Variants in ITIH5 observed in about 807,000 individuals in gnomAD.
The protein encoded by ITIH5 is inter-alpha-trypsin inhibitor heavy chain 5.
A neutral mutation model predicts 77.5 loss-of-function variants in ITIH5; 65 were observed. The observed-to-expected ratio is 0.84, with a 90% CI of 0.69 to 1.03. The LOEUF (loss-of-function observed/expected upper bound fraction) is 1.03. Ranked by LOEUF, ITIH5 falls within the 50% of genes least tolerant of loss-of-function variation. ITIH5 has a pLI of 0.00. For missense variants in ITIH5, 1,208 were observed against 1,213.1 expected (o/e 1.00, Z 0.06); for synonymous variants, 525 against 494.3 (o/e 1.06, Z -0.82).
At chr10:7,647,916 C>T (rs1384434685) in intron 2 of ITIH5, among the ~76,000 whole-genome samples, 2 of 152,040 alleles carry the variant, frequency 1.3e-5, no homozygotes, top group African/African-American at 4.8e-5. Flanking sequence ...AATGGCCATC[C>T]AAAGCCTCGA....
At chr10:7,567,319 T>TTTTTTATTATTA (rs71515477) in intron 12 of ITIH5, among the ~76,000 whole-genome samples, 103 of 139,490 alleles carry the variant, frequency 7.4e-4, no homozygotes, top group African/African-American at 1.1e-3. Flanking sequence ...TCGGACATCT[T>TTTTTTATTATTA]TTATTATTAT....
intron 10 of ITIH5, among the ~76,000 whole-genome samples, chr10:7,574,924 G>A (rs1832379073): frequency 6.6e-6 from 1 of 151,264 alleles, no homozygotes; most frequent in East Asian, 1.9e-4. Flanking sequence ...GTGGAGATTT[G>A]CGCTGATGAC....
chr10:7,565,016 A>G (rs1220604646), intron 13 of ITIH5, among the ~76,000 whole-genome samples: 1 of 148,994 alleles, frequency 6.7e-6, no homozygotes, highest in Non-Finnish European at 1.5e-5. Flanking sequence ...CTACATATAT[A>G]CATATATACA....
chr10:7,597,043 T>TAAAAAA (rs1193674092), intron 7 of ITIH5, among the ~76,000 whole-genome samples: 1 of 38,172 alleles, frequency 2.6e-5, no homozygotes, highest in Non-Finnish European at 5.4e-5. Flanking sequence ...AGTCTCCAAC[T>TAAAAAA]CAAAAAAAAA....
chr10:7,641,813 T>C, intron 3 of ITIH5, 114 bp downstream of exon 3: 1 of 792,670 alleles, frequency 1.3e-6, no homozygotes. Flanking sequence ...CTGATCTATA[T>C]ACCATCTACT....
At chr10:7,588,210 C>T (rs549004381) in intron 7 of ITIH5, among the ~76,000 whole-genome samples, 1 of 152,304 alleles carries the variant, frequency 6.6e-6, no homozygotes, top group South Asian at 2.1e-4. Context: ...ATGGCAAAAC[C>T]TCATCTCCAC....
At chr10:7,641,650 A>AAGGGAGGGAGGGAGGG (rs1289590153) in intron 3 of ITIH5, among the ~76,000 whole-genome samples, 1 of 83,028 alleles carries the variant, frequency 1.2e-5, no homozygotes, top group Non-Finnish European at 2.3e-5. Flanking sequence ...GGAAGGAAGG[A>AAGGGAGGGAGGGAGGG]AGGGAGGGAG....
intron 11 of ITIH5, chr10:7,572,012 T>C (rs1832310201): frequency 3.0e-6 from 3 of 1,005,904 alleles, no homozygotes; most frequent in East Asian, 9.9e-5. Context: ...CAAATTTCTT[T>C]ACAAGGAAAG....
intron 7 of ITIH5, among the ~76,000 whole-genome samples, chr10:7,604,607 C>T (rs1214809898): frequency 6.6e-6 from 1 of 152,194 alleles, no homozygotes; most frequent in Non-Finnish European, 1.5e-5. Flanking sequence ...AAACATGACC[C>T]AAACCTTCAC....
rs567048184 is a variant in ITIH5 at position 7,598,407 on chromosome 10, T to C, written c.940-12338A>G. 1.2e-4 allele frequency among the ~76,000 whole-genome samples: 18 copies of C among 152,310 alleles called. No individual in the cohort carries two copies. The East Asian group carries it at 3.5e-3, about 29-fold the overall frequency. On this transcript the variant is annotated intron_variant, in intron 7 of 13. Transcript: ENST00000397146. The stretch of plus-strand genomic sequence containing the variant: ...AATTTGGGATAGAAGTCATATGTCT[T>C]CAAATATTTTAAAACAGTTTAATGA...
At position 7,585,931 on chromosome 10, in the gene ITIH5, C is replaced by A; in HGVS notation, c.1078G>T (p.Val360Leu). 6.2e-7 allele frequency: 1 copy of A among 1,613,740 alleles called. No homozygotes were observed. Among genetic ancestry groups the A allele is most frequent in the Non-Finnish European group, 8.5e-7 (1 of 1,179,866 alleles). Residue 360 changes from valine to leucine, a missense_variant, in exon 8 of 14, where the codon GTG (valine) becomes TTG (leucine). By Grantham distance (32) the Val-to-Leu change is conservative. Transcript: ENST00000397146. Reference sequence around the variant, plus strand: ...GTGGGTGACATATGGTGAATGTACACTTTCCCATCCCTGATGCTGTCTGGA... The same window carrying A: ...GTGGGTGACATATGGTGAATGTACAATTTCCCATCCCTGATGCTGTCTGGA... ...VTPDSIRDGK[V>L]YIHHMSPTGG... is the part of the protein sequence containing the mutation.
chr10:7,637,228 C>A lies in ITIH5; in HGVS notation c.652G>T (p.Asp218Tyr). The change falls in exon 5 of 14, where the codon GAT becomes TAT. Residue 218 changes from aspartate (D) to tyrosine (Y), a missense_variant and splice_region_variant. By Grantham distance (160) the Asp-to-Tyr change is radical. Transcript: ENST00000397146. Reference protein sequence around the residue: ...SRQRGSGRGEDDSGPPPSTVI... With the variant: ...SRQRGSGRGEYDSGPPPSTVI... ...CACGAACCCAGCACGCAGGACTCAC[C>A]TTCCCCGCGCCCACTGCCCCTCTGC... is the stretch of plus-strand genomic sequence containing the variant. 3 of 1,605,954 alleles carry A rather than the reference C, an allele frequency of 1.9e-6. No homozygotes were observed. Among genetic ancestry groups the A allele is most frequent in the Non-Finnish European group, 2.5e-6 (3 of 1,179,548 alleles).
chr10:7,627,674 C>T (rs2131055367), intron 5 of ITIH5, among the ~76,000 whole-genome samples: 1 of 152,212 alleles, frequency 6.6e-6, no homozygotes, highest in South Asian at 2.1e-4. Flanking sequence ...TATTTGCCTT[C>T]CCACACATGT....
chr10:7,644,161 C>T (rs910097159), intron 2 of ITIH5, among the ~76,000 whole-genome samples: 13 of 151,780 alleles, frequency 8.6e-5, no homozygotes, highest in African/African-American at 2.9e-4. Context: ...TTGCTTGAAG[C>T]AGGGAGGCAA....
intron 7 of ITIH5, among the ~76,000 whole-genome samples, chr10:7,592,138 G>T (rs1832804926): frequency 6.6e-6 from 1 of 152,142 alleles, no homozygotes; most frequent in Non-Finnish European, 1.5e-5. Flanking sequence ...CAAAGTGTTG[G>T]GATTACAGGC....
intron 5 of ITIH5, 31 bp from the exon 6 acceptor site, chr10:7,617,313 C>T (rs1588403084): frequency 1.9e-6 from 2 of 1,067,314 alleles, no homozygotes; most frequent in Non-Finnish European, 2.4e-6. Flanking sequence ...TAATTAATAA[C>T]TTAATATATA....
chr10:7,581,870 ATTTTT>A (rs34386089), intron 8 of ITIH5, among the ~76,000 whole-genome samples: 18 of 81,432 alleles, frequency 2.2e-4, no homozygotes, highest in African/African-American at 8.0e-4. Context: ...CCACCCATGT[ATTTTT>A]TTTTTTTTTT....
chr10:7,648,376 A>G (rs1184516349), intron 2 of ITIH5, among the ~76,000 whole-genome samples: 1 of 152,232 alleles, frequency 6.6e-6, no homozygotes, highest in African/African-American at 2.4e-5. Flanking sequence ...TGCTAATTCA[A>G]AAGTTACTTG....
chr10:7,578,910 C>T (rs547184705), intron 9 of ITIH5, among the ~76,000 whole-genome samples: 3 of 152,316 alleles, frequency 2.0e-5, no homozygotes, highest in South Asian at 2.1e-4. Context: ...TTATTCTCCA[C>T]CTCAAAATAA....
Sources: allele counts gnomAD v4.1 joint callset (sites outside exome capture counted in the v4.1 genomes callset), GRCh38; gene constraint gnomAD v4.1.1; transcripts MANE v1.5; gene names NCBI Gene and HGNC (gene_info 2026-07-23, HGNC 2026-07-21).